NMU: variants seen among roughly 807,000 people sequenced by gnomAD.
NMU encodes neuromedin-U.
A neutral mutation model predicts 35.4 loss-of-function variants in NMU; 29 were observed. The ratio of observed to expected loss-of-function variants is 0.82; its 90% CI spans 0.61 to 1.12. The LOEUF (loss-of-function observed/expected upper bound fraction) is 1.12, where lower values mean the gene tolerates loss of function less well. Ranked by LOEUF, NMU falls within the 50% of genes most tolerant of loss-of-function variation. The pLI, the probability that NMU is intolerant of heterozygous loss-of-function variation, is 0.00. For missense variants in NMU, 199 were observed against 206.2 expected (o/e 0.97, Z 0.21); for synonymous variants, 78 against 81.3 (o/e 0.96, Z 0.22).
At chr4:55,624,019 C>A in intron 2 of NMU, among the ~76,000 whole-genome samples, 1 of 50,728 alleles carries the variant, frequency 2.0e-5, no homozygotes, top group Non-Finnish European at 4.0e-5. Flanking sequence ...AAAATCAATT[C>A]AAGATGGATT....
intron 3 of NMU, among the ~76,000 whole-genome samples, chr4:55,609,885 T>C (rs541557691): frequency 6.6e-6 from 1 of 152,280 alleles, no homozygotes; most frequent in Admixed American, 6.5e-5. Context: ...AATGTATGCA[T>C]TTTGGAAGTA....
intron 3 of NMU, among the ~76,000 whole-genome samples, chr4:55,610,393 G>C (rs1215938275): frequency 6.6e-6 from 1 of 151,108 alleles, no homozygotes; most frequent in African/African-American, 2.4e-5. Context: ...AACCTGGGAG[G>C]CAGAGGTTGC....
chr4:55,605,141 T>TA (rs1189824355), intron 7 of NMU, 134 bp downstream of exon 7: 1 of 739,988 alleles, frequency 1.4e-6, no homozygotes, highest in African/African-American at 1.7e-5. Context: ...CAGATGCTCT[T>TA]ACATTGGCTA....
chr4:55,611,761 G>T (rs928861482), intron 3 of NMU, among the ~76,000 whole-genome samples: 10 of 152,170 alleles, frequency 6.6e-5, no homozygotes, highest in Non-Finnish European at 1.3e-4. Flanking sequence ...TGTGTAGTAG[G>T]CTGTACATCT....
At chr4:55,630,133 CT>C (rs1734700163) in intron 2 of NMU, among the ~76,000 whole-genome samples, 1 of 152,014 alleles carries the variant, frequency 6.6e-6, no homozygotes, top group Admixed American at 6.6e-5. Context: ...GAATCTCTGT[CT>C]TTTAAGTACA....
intron 2 of NMU, among the ~76,000 whole-genome samples, chr4:55,628,065 A>T (rs779135127): frequency 1.3e-5 from 2 of 152,238 alleles, no homozygotes; most frequent in South Asian, 4.1e-4. Flanking sequence ...AGTGCTTATC[A>T]TATTACCACT....
At chr4:55,616,009 A>C (rs1734098442) in intron 3 of NMU, among the ~76,000 whole-genome samples, 1 of 152,184 alleles carries the variant, frequency 6.6e-6, no homozygotes, top group Non-Finnish European at 1.5e-5. Context: ...TGGGCCTCTC[A>C]AAGCACTGGG....
Position 55,603,936 on chromosome 4 carries a change from T to A in NMU, c.435+1339A>T, listed in dbSNP as rs1312638320. ...CAAAAAAAAAAAAAAAATATATATA[T>A]ATATATATATGTATATATGTGTATA... On this transcript the variant is annotated intron_variant, in intron 7 of 9. Coordinates refer to ENST00000264218, the MANE Select transcript of NMU (RefSeq NM_006681.4). 5.5e-4 allele frequency among the ~76,000 whole-genome samples: 77 copies of A among 139,118 alleles called. 4 individuals are homozygous for A. The highest frequency in any genetic ancestry group is 1.7e-3 in the East Asian group (8 of 4,808). The allele number at this position is 139,118 out of a possible 152,430, so 91.3% of individuals were successfully genotyped here.
intron 9 of NMU, among the ~76,000 whole-genome samples, chr4:55,597,328 CT>C (rs1177155281): frequency 6.6e-6 from 1 of 151,256 alleles, no homozygotes. Flanking sequence ...GGTATAGTTT[CT>C]TTTTTTTCTT....
At chr4:55,607,178 C>G in intron 6 of NMU, 120 bp downstream of exon 6, 2 of 669,864 alleles carry the variant, frequency 3.0e-6, no homozygotes, top group South Asian at 1.8e-5. Context: ...TTCCTTTACT[C>G]ACATATAAAC....
chr4:55,609,300 TG>T, intron 3 of NMU, 121 bp from the exon 4 acceptor site: 4 of 754,008 alleles, frequency 5.3e-6, no homozygotes, highest in Non-Finnish European at 9.3e-6. Context: ...AGAATCCTTC[TG>T]TAGATTATTA....
At chr4:55,618,837 TTC>T (rs763506175) in intron 2 of NMU, among the ~76,000 whole-genome samples, 4 of 151,128 alleles carry the variant, frequency 2.6e-5, no homozygotes, top group East Asian at 1.9e-4. Context: ...CTTCTTTCTT[TTC>T]TCTCTCTTTC....
chr4:55,634,429 A>AT (rs534135981), intron 1 of NMU, among the ~76,000 whole-genome samples: 18 of 152,186 alleles, frequency 1.2e-4, no homozygotes, highest in Non-Finnish European at 2.4e-4. Context: ...GACGATTGGT[A>AT]TGTCAGCAGA....
intron 3 of NMU, among the ~76,000 whole-genome samples, chr4:55,612,464 A>C (rs1733970637): frequency 6.6e-6 from 1 of 152,198 alleles, no homozygotes; most frequent in African/African-American, 2.4e-5. Flanking sequence ...AACAATAAGA[A>C]GAAAATACCC....
At chr4:55,610,745 A>C (rs1733898936) in intron 3 of NMU, among the ~76,000 whole-genome samples, 1 of 152,226 alleles carries the variant, frequency 6.6e-6, no homozygotes, top group Admixed American at 6.5e-5. Flanking sequence ...TTTCATATAC[A>C]GTCATGCACC....
intron 2 of NMU, among the ~76,000 whole-genome samples, chr4:55,619,901 GCACACT>G (rs1197810293): frequency 1.6e-5 from 2 of 128,918 alleles, no homozygotes; most frequent in Non-Finnish European, 3.4e-5. Context: ...CCCAGCAGGG[GCACACT>G]GACACCTCAC....
chr4:55,599,275 G>A lies in NMU; in HGVS notation c.490-94C>T, dbSNP rs79528255. On this transcript the variant is annotated intron_variant, in intron 8 of 9. Transcript: ENST00000264218. Reference sequence around the variant, plus strand: ...TTGATGATTTAGAGGAGTGTTTAACGTGCATCACAATCATCTAGAGGGCTT... The same window carrying A: ...TTGATGATTTAGAGGAGTGTTTAACATGCATCACAATCATCTAGAGGGCTT... The A allele has an allele frequency of 8.1e-4, 798 of 989,746 alleles. 5 individuals are homozygous for A. Among genetic ancestry groups the A allele is most frequent in the African/African-American group, 7.7e-3 (480 of 62,584 alleles). 61.3% of individuals were successfully genotyped at this position (989,746 alleles called of 1,614,324 possible). A position where few individuals can be genotyped will look rare whatever the true frequency, so the allele number is the denominator to read the frequency against.
At chr4:55,634,145 A>G (rs1021115267) in intron 1 of NMU, among the ~76,000 whole-genome samples, 1 of 152,194 alleles carries the variant, frequency 6.6e-6, no homozygotes, top group Non-Finnish European at 1.5e-5. Context: ...TGCATCTTGC[A>G]TGATGATTGA....
At chr4:55,595,563 T>TATATATATAC (rs755203914) in intron 9 of NMU, among the ~76,000 whole-genome samples, 152 bp from the exon 10 acceptor site, 77 of 120,052 alleles carry the variant, frequency 6.4e-4, no homozygotes, top group East Asian at 2.0e-3. Flanking sequence ...TATATATATA[T>TATATATATAC]ACACACACAC....
Sources: gnomAD v4.1 joint callset for allele counts (sites outside exome capture counted in the v4.1 genomes callset) on GRCh38, gnomAD v4.1.1 for gene constraint, MANE v1.5 for transcripts, NCBI Gene and HGNC (gene_info 2026-07-23, HGNC 2026-07-21) for gene names.